R3HDM2: variants seen among roughly 807,000 people sequenced by gnomAD.
The protein encoded by R3HDM2 is R3H domain containing 2.
A neutral mutation model predicts 124.5 loss-of-function variants in R3HDM2; 38 were observed. The observed-to-expected ratio is 0.31, with a 90% confidence interval of 0.24 to 0.40. The LOEUF is 0.40. Ranked by LOEUF, R3HDM2 falls within the 10% of genes least tolerant of loss-of-function variation. The pLI, the probability that R3HDM2 is intolerant of heterozygous loss-of-function variation, is 1.00. For synonymous variants in R3HDM2, 391 were observed against 448.0 expected (o/e 0.87, Z 1.61); for missense variants, 869 against 1,236.9 (o/e 0.70, Z 4.46).
At position 57,405,396 on chromosome 12, in the gene R3HDM2, T is replaced by C. The variant is rs577737362; in HGVS notation, c.-105-9578A>G. Among the ~76,000 whole-genome samples the C allele has an allele frequency of 2.2e-4, 33 of 152,266 alleles. 3 individuals carry two copies. In the South Asian group the frequency reaches 6.0e-3, roughly 28 times the overall value. ...GCTCATGCCTGTAATCTCAGAACTTTAGAAGGCCAAGACTGGAGCTTGAGA... is the reference window on the plus strand; with the variant it reads ...GCTCATGCCTGTAATCTCAGAACTTCAGAAGGCCAAGACTGGAGCTTGAGA... On this transcript the variant is annotated intron_variant, in intron 1 of 23. Coordinates refer to ENST00000402412, the MANE Select transcript of R3HDM2 (RefSeq NM_001394031.1).
rs139601483 is a variant in R3HDM2, at chr12:57,372,115, C to T, written c.-36+23634G>A. Among the ~76,000 whole-genome samples, 217 of 152,244 alleles carry T rather than the reference C, an allele frequency of 1.4e-3. 2 individuals carry two copies. The highest frequency in any genetic ancestry group is 4.9e-3 in the African/African-American group (204 of 41,540). ...CTCCTGACCTCAGGTGATCCACCCA[C>T]CTTGGACTCTCAAAGTGCTGGGATT... is the stretch of plus-strand genomic sequence containing the variant. On this transcript the variant is annotated intron_variant, in intron 2 of 23. Transcript: ENST00000402412.
At chr12:57,339,021 T>C (rs2059222249) in intron 2 of R3HDM2, among the ~76,000 whole-genome samples, 1 of 152,092 alleles carries the variant, frequency 6.6e-6, no homozygotes, top group African/African-American at 2.4e-5. Flanking sequence ...GTTTTACAAA[T>C]GTGTGTGCAT....
intron 2 of R3HDM2, among the ~76,000 whole-genome samples, chr12:57,343,164 T>C (rs542605740): frequency 6.6e-6 from 1 of 151,670 alleles, no homozygotes; most frequent in East Asian, 1.9e-4. Flanking sequence ...ACGGCAAGCT[T>C]AGATATGACC....
At chr12:57,320,287 A>AAAAAAAAAAAAAC (rs1566135789) in intron 2 of R3HDM2, among the ~76,000 whole-genome samples, 2 of 147,564 alleles carry the variant, frequency 1.4e-5, no homozygotes, top group Non-Finnish European at 3.0e-5. Context: ...AAAAAAAAAA[A>AAAAAAAAAAAAAC]AGCCTTAAAC....
intron 1 of R3HDM2, among the ~76,000 whole-genome samples, chr12:57,414,754 AC>A (rs2069398164): frequency 6.6e-6 from 1 of 151,608 alleles, no homozygotes; most frequent in Non-Finnish European, 1.5e-5. Context: ...AATCACTTGT[AC>A]CCAGTAGGAG....
intron 11 of R3HDM2, among the ~76,000 whole-genome samples, chr12:57,290,092 GA>G (rs978489463): frequency 4.0e-5 from 6 of 150,958 alleles, no homozygotes; most frequent in Admixed American, 6.6e-5. Context: ...GAAATCAGGA[GA>G]AAAAAAAAGA....
intron 21 of R3HDM2, among the ~76,000 whole-genome samples, chr12:57,256,963 G>A (rs1290937178): frequency 1.3e-5 from 2 of 151,918 alleles, no homozygotes; most frequent in Non-Finnish European, 2.9e-5. Context: ...TTACAAGCAT[G>A]TGCCACCACG....
At chr12:57,268,810 A>C (rs911917059) in intron 17 of R3HDM2, 112 bp downstream of exon 17, 5 of 1,326,714 alleles carry the variant, frequency 3.8e-6, no homozygotes, top group Non-Finnish European at 4.1e-6. Flanking sequence ...ATTCTAGGGG[A>C]AAGTAGACAC....
chr12:57,423,926 C>T (rs1356797997), intron 1 of R3HDM2, among the ~76,000 whole-genome samples: 1 of 149,962 alleles, frequency 6.7e-6, no homozygotes, highest in Non-Finnish European at 1.5e-5. Context: ...GCCAGCCTGA[C>T]CAACATGGAG....
At chr12:57,274,304 T>C (rs536848101) in intron 14 of R3HDM2, among the ~76,000 whole-genome samples, 10 of 152,246 alleles carry the variant, frequency 6.6e-5, no homozygotes, top group African/African-American at 2.4e-4. Flanking sequence ...TGAAACCCCA[T>C]TTCTACTAAA....
At chr12:57,402,527 G>T (rs1468430345) in intron 1 of R3HDM2, among the ~76,000 whole-genome samples, 1 of 151,886 alleles carries the variant, frequency 6.6e-6, no homozygotes, top group Non-Finnish European at 1.5e-5. Flanking sequence ...AGTAGAGTTG[G>T]AGTTTCACCA....
chr12:57,359,327 CTAGGTA>C (rs1455031501), intron 2 of R3HDM2, among the ~76,000 whole-genome samples: 1 of 152,124 alleles, frequency 6.6e-6, no homozygotes, highest in African/African-American at 2.4e-5. Context: ...TCCCAAAATG[CTAGGTA>C]TAGGTATGCA....
intron 2 of R3HDM2, among the ~76,000 whole-genome samples, chr12:57,312,360 T>C (rs868102311): frequency 1.4e-4 from 21 of 149,788 alleles, no homozygotes; most frequent in Admixed American, 7.4e-4. Context: ...CAGGCTGGAG[T>C]GCAGTGATGC....
chr12:57,266,846 A>T lies in R3HDM2; in HGVS notation c.2031-15T>A. ...CTACAGAAGGGCTGGGAAGACAGAG[A>T]AGAGAGGAGTGGTGAAGCAGTAGAG... On this transcript the variant is annotated splice_polypyrimidine_tract_variant and intron_variant, in intron 18 of 23. Coordinates refer to ENST00000402412, the MANE Select transcript of R3HDM2 (RefSeq NM_001394031.1). The T allele has an allele frequency of 6.5e-7, 1 of 1,539,126 alleles. No individual in the cohort carries two copies. The highest frequency in any genetic ancestry group is 9.0e-7 in the Non-Finnish European group (1 of 1,116,574).
At chr12:57,319,473 G>A (rs899822342) in intron 2 of R3HDM2, among the ~76,000 whole-genome samples, 9 of 152,022 alleles carry the variant, frequency 5.9e-5, no homozygotes, top group Non-Finnish European at 1.2e-4. Flanking sequence ...TTTCTTTTTG[G>A]AACACTTTCC....
chr12:57,263,551 C>T (rs1161198412), intron 19 of R3HDM2, among the ~76,000 whole-genome samples: 1 of 152,178 alleles, frequency 6.6e-6, no homozygotes, highest in African/African-American at 2.4e-5. Context: ...TCACTGCAAC[C>T]TCTGCCTCCT....
At chr12:57,317,090 C>T (rs1200918840) in intron 2 of R3HDM2, among the ~76,000 whole-genome samples, 1 of 152,002 alleles carries the variant, frequency 6.6e-6, no homozygotes, top group Non-Finnish European at 1.5e-5. Flanking sequence ...CCATGTTGGC[C>T]AGCCTGGTCT....
chr12:57,308,047 ATT>A (rs762491267), intron 3 of R3HDM2, among the ~76,000 whole-genome samples: 26 of 134,594 alleles, frequency 1.9e-4, no homozygotes, highest in Admixed American at 1.5e-4. Context: ...TTCCAGGTGA[ATT>A]TTTTTTTTTT....
chr12:57,375,499 C>CA lies in R3HDM2; in HGVS notation c.-36+20249dup, dbSNP rs1209376914. ...TATATCTCTTCATAACTGTGCCATT[C>CA]AACTTACACTGTGCAAAGACCAGAA... On this transcript the variant is annotated intron_variant, in intron 2 of 23. Transcript: ENST00000402412. Among the ~76,000 whole-genome samples, 7 of 152,250 alleles carry CA rather than the reference C, an allele frequency of 4.6e-5. No individual in the cohort carries two copies. In the South Asian group the frequency reaches 1.5e-3, roughly 32 times the overall value.
Sources: allele counts gnomAD v4.1 joint callset (sites outside exome capture counted in the v4.1 genomes callset), GRCh38; gene constraint gnomAD v4.1.1; transcripts MANE v1.5; gene names NCBI Gene and HGNC (gene_info 2026-07-23, HGNC 2026-07-21).